The following GRIA1 variants were observed in gnomAD, a reference collection of about 807,000 sequenced individuals.
GRIA1 encodes glutamate receptor 1.
In GRIA1, 31 loss-of-function variants were observed where a neutral mutation model predicts 99.2. The observed-to-expected ratio is 0.31, with a 90% CI of 0.23 to 0.42. The LOEUF is 0.42. GRIA1 is among the 10% of genes least tolerant of loss of function. The probability of loss-of-function intolerance (pLI) is 1.00; values close to 1 mark genes in which losing one functional copy is unlikely to be tolerated. For synonymous variants in GRIA1, 438 were observed against 432.4 expected, an observed-to-expected ratio of 1.01 and a Z score of -0.16; for missense variants, 782 against 1,157.5, an observed-to-expected ratio of 0.68 and a Z score of 4.71.
intron 2 of GRIA1, among the ~76,000 whole-genome samples, chr5:153,535,204 G>T (rs767062442): frequency 2.6e-4 from 39 of 152,170 alleles, no homozygotes; most frequent in Non-Finnish European, 4.4e-4. Flanking sequence ...TTGCAGGCAT[G>T]AGCCACCGCA....
chr5:153,764,330 C>A, intron 11 of GRIA1, 104 bp from the exon 12 acceptor site: 1 of 803,874 alleles, frequency 1.2e-6, no homozygotes, highest in Non-Finnish European at 2.2e-6. Flanking sequence ...TGCAATAGGG[C>A]CTGACCGCTC....
chr5:153,804,033 C>T (rs1196384336), intron 15 of GRIA1, among the ~76,000 whole-genome samples: 1 of 152,196 alleles, frequency 6.6e-6, no homozygotes, highest in East Asian at 1.9e-4. Flanking sequence ...CTCACGTACT[C>T]CATACTTTCG....
chr5:153,742,525 A>ATAT (rs1307575877), intron 11 of GRIA1, among the ~76,000 whole-genome samples: 1 of 152,168 alleles, frequency 6.6e-6, no homozygotes, highest in Non-Finnish European at 1.5e-5. Flanking sequence ...GAGCAGGGTG[A>ATAT]TATTTGTTTC....
intron 2 of GRIA1, among the ~76,000 whole-genome samples, chr5:153,613,818 G>T (rs753961909): frequency 6.6e-6 from 1 of 152,054 alleles, no homozygotes; most frequent in Non-Finnish European, 1.5e-5. Context: ...AAATCAACAG[G>T]CCAGAAAGGA....
chr5:153,604,972 TGGTCA>T (rs1274787217), intron 2 of GRIA1, among the ~76,000 whole-genome samples: 4 of 152,000 alleles, frequency 2.6e-5, no homozygotes, highest in Non-Finnish European at 5.9e-5. Flanking sequence ...CCAGGCGCAG[TGGTCA>T]GGAATTTGAG....
intron 2 of GRIA1, among the ~76,000 whole-genome samples, chr5:153,638,284 G>A (rs1035879374): frequency 6.6e-6 from 1 of 152,230 alleles, no homozygotes; most frequent in African/African-American, 2.4e-5. Context: ...CAAGGACTGA[G>A]TTAGACATAG....
chr5:153,682,568 C>A (rs868466346), intron 7 of GRIA1, among the ~76,000 whole-genome samples: 1 of 152,100 alleles, frequency 6.6e-6, no homozygotes, highest in Non-Finnish European at 1.5e-5. Context: ...CAGATTATGT[C>A]GGATCATCCT....
intron 11 of GRIA1, among the ~76,000 whole-genome samples, chr5:153,724,194 T>C (rs532585888): frequency 2.0e-5 from 3 of 152,230 alleles, no homozygotes; most frequent in Admixed American, 6.5e-5. Context: ...TCCTGTCTCT[T>C]AGAAGGAAAA....
At chr5:153,697,195 C>A (rs1271203506) in intron 8 of GRIA1, among the ~76,000 whole-genome samples, 2 of 152,318 alleles carry the variant, frequency 1.3e-5, no homozygotes, top group African/African-American at 4.8e-5. Flanking sequence ...CCACACTTGG[C>A]TTTTGCTTCT....
chr5:153,614,628 T>TTCATTAATA lies in GRIA1; in HGVS notation c.221-32298_221-32290dup, dbSNP rs1766308928. ...AGGCCATGCTACTCCTGTTAAGCAC[T>TTCATTAATA]TCATTAATATTCATTGAGAGAATAA... On this transcript the variant is annotated intron_variant, in intron 2 of 15. Coordinates refer to ENST00000285900, the MANE Select transcript of GRIA1 (RefSeq NM_000827.4). Among the ~76,000 whole-genome samples, 7 of 152,334 alleles carry TTCATTAATA rather than the reference T, an allele frequency of 4.6e-5. No individual in the cohort carries two copies. The South Asian group carries it at 1.5e-3, about 32-fold the overall frequency.
chr5:153,723,967 C>A (rs1760295471), intron 11 of GRIA1, among the ~76,000 whole-genome samples: 1 of 152,224 alleles, frequency 6.6e-6, no homozygotes, highest in African/African-American at 2.4e-5. Context: ...ACCCCTGACC[C>A]CCAAGCAGCC....
chr5:153,604,103 C>A (rs1765242673), intron 2 of GRIA1, among the ~76,000 whole-genome samples: 1 of 151,534 alleles, frequency 6.6e-6, no homozygotes, highest in South Asian at 2.1e-4. Context: ...GAAACAAGTT[C>A]TAAAATTTCT....
intron 13 of GRIA1, among the ~76,000 whole-genome samples, chr5:153,776,454 G>A (rs1255255491): frequency 6.6e-6 from 1 of 152,120 alleles, no homozygotes; most frequent in Non-Finnish European, 1.5e-5. Flanking sequence ...TTTTACCTCT[G>A]AAATGCCTAC....
At chr5:153,559,895 C>T (rs955306202) in intron 2 of GRIA1, among the ~76,000 whole-genome samples, 6 of 152,136 alleles carry the variant, frequency 3.9e-5, no homozygotes, top group Non-Finnish European at 5.9e-5. Context: ...CTCCTTTGTG[C>T]ACTCCAACCC....
chr5:153,761,965 A>G (rs1274619214), intron 11 of GRIA1, among the ~76,000 whole-genome samples: 1 of 152,180 alleles, frequency 6.6e-6, no homozygotes, highest in Non-Finnish European at 1.5e-5. Flanking sequence ...ATCTAAAAAA[A>G]TTGATCTCCT....
At chr5:153,605,591 A>G (rs1286592433) in intron 2 of GRIA1, among the ~76,000 whole-genome samples, 1 of 152,146 alleles carries the variant, frequency 6.6e-6, no homozygotes, top group Non-Finnish European at 1.5e-5. Context: ...ACCAATTTAC[A>G]CTCCCACCAT....
chr5:153,687,900 C>T (rs768227906), intron 8 of GRIA1, among the ~76,000 whole-genome samples: 11 of 152,228 alleles, frequency 7.2e-5, no homozygotes, highest in Non-Finnish European at 1.0e-4. Flanking sequence ...TATCATCTCA[C>T]AATTCTGTAG....
chr5:153,590,956 T>C (rs1195862275), intron 2 of GRIA1, among the ~76,000 whole-genome samples: 2 of 152,216 alleles, frequency 1.3e-5, no homozygotes, highest in Non-Finnish European at 2.9e-5. Flanking sequence ...AATGGGGGTA[T>C]TGTGTTAATT....
At chr5:153,576,233 A>G (rs1282595646) in intron 2 of GRIA1, among the ~76,000 whole-genome samples, 3 of 152,244 alleles carry the variant, frequency 2.0e-5, no homozygotes, top group Admixed American at 1.3e-4. Context: ...TGAATTTCTG[A>G]GGTTAGTTTA....
Sources: gnomAD v4.1 joint callset for allele counts (sites outside exome capture counted in the v4.1 genomes callset) on GRCh38, gnomAD v4.1.1 for gene constraint, MANE v1.5 for transcripts, NCBI Gene and HGNC (gene_info 2026-07-23, HGNC 2026-07-21) for gene names.